SVOPL: variants seen among roughly 807,000 people sequenced by gnomAD.
SVOPL encodes the protein putative transporter SVOPL.
A neutral mutation model predicts 61.0 loss-of-function variants in SVOPL; 60 were observed. The observed-to-expected ratio is 0.98, with a 90% CI of 0.80 to 1.22. The LOEUF is 1.22. SVOPL is among the 50% of genes most tolerant of loss of function. The pLI is 0.00. For missense variants in SVOPL, 662 were observed against 643.9 expected, an observed-to-expected ratio of 1.03 and a Z score of -0.30; for synonymous variants, 279 against 250.0, an observed-to-expected ratio of 1.12 and a Z score of -1.09.
chr7:138,677,815 T>A (rs1423609468), intron 3 of SVOPL, among the ~76,000 whole-genome samples: 1 of 149,500 alleles, frequency 6.7e-6, no homozygotes, highest in East Asian at 2.0e-4. Context: ...CAAGCTGGAG[T>A]GCAGTGGCGC....
At chr7:138,616,710 A>AT (rs1253143357) in intron 14 of SVOPL, among the ~76,000 whole-genome samples, 4 of 152,162 alleles carry the variant, frequency 2.6e-5, no homozygotes, top group African/African-American at 9.7e-5. Context: ...GACTACTATT[A>AT]TTTTTTACTA....
chr7:138,645,058 G>T (rs1426938150), intron 8 of SVOPL, among the ~76,000 whole-genome samples: 1 of 152,158 alleles, frequency 6.6e-6, no homozygotes, highest in Non-Finnish European at 1.5e-5. Context: ...TCCCTTCCAG[G>T]ATGACGGCAG....
At chr7:138,620,124 G>GTTTTTTTTTTT (rs68156955) in intron 14 of SVOPL, among the ~76,000 whole-genome samples, 1 of 114,632 alleles carries the variant, frequency 8.7e-6, no homozygotes. Context: ...TTTCTGTTTT[G>GTTTTTTTTTTT]TTTTTTTTTT....
intron 4 of SVOPL, among the ~76,000 whole-genome samples, chr7:138,670,608 T>C (rs1802390155): frequency 6.6e-6 from 1 of 152,202 alleles, no homozygotes; most frequent in Non-Finnish European, 1.5e-5. Flanking sequence ...TCTAGCCCCC[T>C]GTCAACCAAA....
At chr7:138,633,302 C>CG (rs933966867) in intron 9 of SVOPL, among the ~76,000 whole-genome samples, 4 of 152,122 alleles carry the variant, frequency 2.6e-5, no homozygotes, top group African/African-American at 9.7e-5. Flanking sequence ...TCCCCAGTGT[C>CG]GGGGGTGGAG....
chr7:138,669,445 C>A (rs147740587), intron 4 of SVOPL, among the ~76,000 whole-genome samples: 33 of 152,104 alleles, frequency 2.2e-4, no homozygotes, highest in Admixed American at 3.9e-4. Context: ...AAAAAGGGAA[C>A]GCAATTATCT....
intron 1 of SVOPL, among the ~76,000 whole-genome samples, chr7:138,695,329 T>C (rs907062170): frequency 6.6e-6 from 1 of 152,034 alleles, no homozygotes; most frequent in Non-Finnish European, 1.5e-5. Context: ...CTGGGCAACA[T>C]GGCAAAACCC....
At chr7:138,615,401 CA>C (rs1415585191) in intron 14 of SVOPL, among the ~76,000 whole-genome samples, 2 of 151,818 alleles carry the variant, frequency 1.3e-5, no homozygotes, top group Non-Finnish European at 2.9e-5. Context: ...ACTAAAAATA[CA>C]AAAAATTAGC....
chr7:138,611,905 C>G (rs1158582465), intron 14 of SVOPL, among the ~76,000 whole-genome samples: 24 of 58,460 alleles, frequency 4.1e-4, no homozygotes, highest in Non-Finnish European at 5.6e-4. Context: ...TGCCCAACAG[C>G]TCATTGAGAA....
At chr7:138,687,201 G>A (rs1173548128) in intron 1 of SVOPL, among the ~76,000 whole-genome samples, 1 of 145,234 alleles carries the variant, frequency 6.9e-6, no homozygotes, top group African/African-American at 2.5e-5. Flanking sequence ...TTCTTTATTT[G>A]GAAGCTCTTT....
At chr7:138,604,941 T>C (rs578065430) in intron 14 of SVOPL, among the ~76,000 whole-genome samples, 86 of 150,548 alleles carry the variant, frequency 5.7e-4, no homozygotes, top group African/African-American at 2.0e-3. Flanking sequence ...GAAGGTTGGG[T>C]GTAGTGGTGC....
chr7:138,662,177 C>T (rs894902174), intron 5 of SVOPL: 2 of 985,376 alleles, frequency 2.0e-6, no homozygotes, highest in Non-Finnish European at 2.4e-6. Flanking sequence ...CAGAGAACTT[C>T]TGCTTTCTCT....
At chr7:138,606,556 A>C (rs183909640) in intron 14 of SVOPL, among the ~76,000 whole-genome samples, 4 of 152,210 alleles carry the variant, frequency 2.6e-5, no homozygotes, top group Admixed American at 2.6e-4. Context: ...TTTTTTCCCA[A>C]GGAGCCCGCT....
At chr7:138,690,084 C>A (rs1802907810) in intron 1 of SVOPL, among the ~76,000 whole-genome samples, 1 of 152,032 alleles carries the variant, frequency 6.6e-6, no homozygotes, top group Non-Finnish European at 1.5e-5. Context: ...TCAGATTTTC[C>A]CTCCCAGCCT....
intron 4 of SVOPL, among the ~76,000 whole-genome samples, chr7:138,668,422 G>A (rs939098077): frequency 6.6e-6 from 1 of 152,160 alleles, no homozygotes; most frequent in African/African-American, 2.4e-5. Flanking sequence ...CCGCTGGGCT[G>A]TTACATTCTT....
rs762116585 is a variant in SVOPL at position 138,663,094 on chromosome 7, C to T, written c.325G>A (p.Asp109Asn). The change falls in exon 5 of 16, where the codon GAC (aspartate) becomes AAC (asparagine). Residue 109 changes from aspartate to asparagine, a missense_variant. Asp to Asn is a conservative substitution (Grantham distance 23). Transcript: ENST00000674285. ...VFSILFGLLADRYGRWKILLI... is the reference protein window; with the variant it reads ...VFSILFGLLANRYGRWKILLI... ...CCTACCTTCCAGCGGCCATATCTGTCAGCCAGGAGGCCAAAGAGGATACTG... is the reference window on the plus strand; with the variant it reads ...CCTACCTTCCAGCGGCCATATCTGTTAGCCAGGAGGCCAAAGAGGATACTG... The T allele has an allele frequency of 6.2e-7, 1 of 1,614,164 alleles. No individual in the cohort carries two copies. Among genetic ancestry groups the T allele is most frequent in the Non-Finnish European group, 8.5e-7 (1 of 1,180,036 alleles).
rs1264721104 is a variant in SVOPL, at chr7:138,628,308, C to G, written c.919G>C (p.Glu307Gln). Residue 307 changes from glutamate (E) to glutamine (Q), a missense_variant, in exon 11 of 16, where the codon GAG (glutamate) becomes CAG (glutamine). Coordinates refer to ENST00000674285, the MANE Select transcript of SVOPL (RefSeq NM_001139456.2). ...GVILASAELL[E>Q]RDLVCGSKSD... Reference sequence around the variant, plus strand: ...TTTGAACCACAGACCAAGTCCCGCTCCAGCAGCTCAGCACTGGCCAGGATA... The same window carrying G: ...TTTGAACCACAGACCAAGTCCCGCTGCAGCAGCTCAGCACTGGCCAGGATA... The G allele has an allele frequency of 6.2e-7, 1 of 1,614,152 alleles. No homozygotes were observed. The highest frequency in any genetic ancestry group is 8.5e-7 in the Non-Finnish European group (1 of 1,180,034).
intron 4 of SVOPL, among the ~76,000 whole-genome samples, chr7:138,665,922 T>C (rs1292012936): frequency 6.6e-6 from 1 of 152,166 alleles, no homozygotes; most frequent in East Asian, 1.9e-4. Context: ...ATAAGGACTC[T>C]GAAAACCACA....
rs543802864 is a variant in SVOPL, at chr7:138,625,632, T to A, written c.1263+337A>T. On this transcript the variant is annotated intron_variant, in intron 13 of 15. Coordinates refer to ENST00000674285, the MANE Select transcript of SVOPL (RefSeq NM_001139456.2). The stretch of plus-strand genomic sequence containing the variant: ...AAAAGAGTAAAAGTGAAAAGTGTAT[T>A]CTAATTTCAAAAAGAGAGAAAGGAA... 3.3e-4 allele frequency among the ~76,000 whole-genome samples: 50 copies of A among 152,312 alleles called. No individual in the cohort carries two copies. In the South Asian group the frequency reaches 4.6e-3, roughly 14 times the overall value.
Sources: allele counts gnomAD v4.1 joint callset (sites outside exome capture counted in the v4.1 genomes callset), GRCh38; gene constraint gnomAD v4.1.1; transcripts MANE v1.5; gene names NCBI Gene and HGNC (gene_info 2026-07-23, HGNC 2026-07-21).